MYO1E: variants seen among roughly 807,000 people sequenced by gnomAD.
MYO1E encodes unconventional myosin-Ie.
Under a neutral mutation model 151.1 loss-of-function variants are expected in MYO1E, and 68 were observed. The ratio of observed to expected loss-of-function variants is 0.45; its 90% CI spans 0.37 to 0.55. The LOEUF (loss-of-function observed/expected upper bound fraction) is 0.55, where lower values mean the gene tolerates loss of function less well. MYO1E is among the 20% of genes least tolerant of loss of function. MYO1E has a pLI of 0.00. For missense variants in MYO1E, 1,363 were observed against 1,389.3 expected, an observed-to-expected ratio of 0.98 and a Z score of 0.30; for synonymous variants, 601 against 501.7, an observed-to-expected ratio of 1.20 and a Z score of -2.64.
At chr15:59,210,216 G>A (rs879484764) in intron 13 of MYO1E, among the ~76,000 whole-genome samples, 2 of 151,824 alleles carry the variant, frequency 1.3e-5, no homozygotes, top group African/African-American at 2.4e-5. Flanking sequence ...TAGAACACAG[G>A]GCCAATTTTA....
chr15:59,191,370 A>AGAGAGAGAGAGAGAGAGAGAGAGAGAGAG (rs1491073271), intron 17 of MYO1E, among the ~76,000 whole-genome samples: 2 of 123,336 alleles, frequency 1.6e-5, no homozygotes, highest in African/African-American at 4.1e-5. Flanking sequence ...GAGAGAGAGA[A>AGAGAGAGAGAGAGAGAGAGAGAGAGAGAG]AGAAATGTCA....
intron 24 of MYO1E, 105 bp from the exon 25 acceptor site, chr15:59,158,484 C>G (rs1202289570): frequency 2.4e-6 from 2 of 845,502 alleles, no homozygotes; most frequent in Non-Finnish European, 3.9e-6. Context: ...GATTCCAGCT[C>G]TCAGGTGGAT....
chr15:59,356,665 C>T (rs1596441606), intron 1 of MYO1E, among the ~76,000 whole-genome samples: 1 of 152,174 alleles, frequency 6.6e-6, no homozygotes. Flanking sequence ...GCACCCTCTG[C>T]CTCCCGGGCT....
intron 26 of MYO1E, among the ~76,000 whole-genome samples, chr15:59,140,577 C>A (rs2079403127): frequency 6.6e-6 from 1 of 152,158 alleles, no homozygotes; most frequent in Non-Finnish European, 1.5e-5. Context: ...CCTACAGGAG[C>A]AAGGAGGAAA....
At chr15:59,236,392 ACAC>A (rs1381207210) in intron 5 of MYO1E, among the ~76,000 whole-genome samples, 190 bp downstream of exon 5, 9 of 137,594 alleles carry the variant, frequency 6.5e-5, no homozygotes, top group Non-Finnish European at 1.5e-4. Context: ...ACACACACAC[ACAC>A]ACACACACAC....
chr15:59,329,026 C>T (rs1376342439), intron 1 of MYO1E, among the ~76,000 whole-genome samples: 1 of 152,188 alleles, frequency 6.6e-6, no homozygotes, highest in African/African-American at 2.4e-5. Context: ...ACGAAGATGA[C>T]TGTTATCAAC....
intron 1 of MYO1E, among the ~76,000 whole-genome samples, chr15:59,284,118 T>C (rs2080373190): frequency 6.6e-6 from 1 of 152,244 alleles, no homozygotes; most frequent in Admixed American, 6.5e-5. Flanking sequence ...CCCCCTGCCA[T>C]GTCCCCACCA....
chr15:59,353,661 G>A (rs2080837509), intron 1 of MYO1E, among the ~76,000 whole-genome samples: 1 of 151,566 alleles, frequency 6.6e-6, no homozygotes, highest in Admixed American at 6.6e-5. Context: ...GAAGGCTGAG[G>A]CAGAAGAATC....
chr15:59,274,583 A>G (rs2080307284), intron 1 of MYO1E, among the ~76,000 whole-genome samples: 1 of 152,202 alleles, frequency 6.6e-6, no homozygotes, highest in South Asian at 2.1e-4. Flanking sequence ...GTTGAATAAA[A>G]CACAAGGGCT....
intron 26 of MYO1E, among the ~76,000 whole-genome samples, chr15:59,139,592 C>A (rs2140298867): frequency 6.6e-6 from 1 of 151,282 alleles, no homozygotes; most frequent in Non-Finnish European, 1.5e-5. Flanking sequence ...AACTTCCCTC[C>A]CATCCCTCAT....
chr15:59,219,502 C>T (rs751454113), intron 9 of MYO1E, among the ~76,000 whole-genome samples: 5 of 152,270 alleles, frequency 3.3e-5, no homozygotes, highest in Admixed American at 1.3e-4. Flanking sequence ...TAGAATATAA[C>T]GGGCTGACAT....
At chr15:59,145,589 A>G (rs1382153026) in intron 26 of MYO1E, among the ~76,000 whole-genome samples, 1 of 151,300 alleles carries the variant, frequency 6.6e-6, no homozygotes, top group East Asian at 2.0e-4. Context: ...ATGGGGTTTC[A>G]CCCTGTTGCC....
At chr15:59,151,715 C>T (rs2079480597) in intron 26 of MYO1E, among the ~76,000 whole-genome samples, 1 of 152,032 alleles carries the variant, frequency 6.6e-6, no homozygotes, top group South Asian at 2.1e-4. Flanking sequence ...GAGTTTGAGA[C>T]CAGCCTGGCC....
At chr15:59,240,226 C>T (rs2080091517) in intron 4 of MYO1E, among the ~76,000 whole-genome samples, 1 of 152,242 alleles carries the variant, frequency 6.6e-6, no homozygotes, top group African/African-American at 2.4e-5. Context: ...GGATCCCAGT[C>T]TCCAGGGACA....
At position 59,194,460 on chromosome 15, in the gene MYO1E, G is replaced by A. The variant is rs80091274; in HGVS notation, c.1805+1001C>T. The stretch of plus-strand genomic sequence containing the variant: ...GATCTTACTGGCAGGAAGGAAAATG[G>A]ACACACCTGTCCCTCGCAGGAGATA... On this transcript the variant is annotated intron_variant, in intron 17 of 27. Coordinates refer to ENST00000288235, the MANE Select transcript of MYO1E (RefSeq NM_004998.4). 8.6e-3 allele frequency among the ~76,000 whole-genome samples: 1,308 copies of A among 152,300 alleles called. 18 individuals are homozygous for A. The highest frequency in any genetic ancestry group is 0.029 in the African/African-American group (1,214 of 41,562).
Position 59,372,690 on chromosome 15 carries a change from G to C in MYO1E, c.-190C>G, listed in dbSNP as rs1479287129. 3 of 671,166 alleles carry C rather than the reference G, an allele frequency of 4.5e-6. No homozygotes were observed. Among genetic ancestry groups the C allele is most frequent in the African/African-American group, 1.9e-5 (1 of 52,814 alleles). 41.6% of individuals were successfully genotyped at this position (671,166 alleles called of 1,614,324 possible). A position where few individuals can be genotyped will look rare whatever the true frequency, so the allele number is the denominator to read the frequency against. ...ATCCAGGCGGGATTGGCGGTGCTAG[G>C]TGAGGGCGAGACGGCGGCGACTTAG... is the stretch of plus-strand genomic sequence containing the variant. On this transcript the variant is annotated 5_prime_UTR_variant, in exon 1 of 28. Transcript: ENST00000288235.
At chr15:59,277,507 T>G (rs1414605660) in intron 1 of MYO1E, among the ~76,000 whole-genome samples, 1 of 144,774 alleles carries the variant, frequency 6.9e-6, no homozygotes, top group East Asian at 2.0e-4. Context: ...ATCGGGCCAC[T>G]GCACTCCAGC....
At chr15:59,249,856 C>T (rs1044813374) in intron 4 of MYO1E, among the ~76,000 whole-genome samples, 1 of 152,198 alleles carries the variant, frequency 6.6e-6, no homozygotes, top group Non-Finnish European at 1.5e-5. Context: ...CCTGCCCCAT[C>T]CAGTGTCAGG....
At position 59,227,298 on chromosome 15, in the gene MYO1E, T is replaced by G. The variant is rs543823649; in HGVS notation, c.642+161A>C. 2.6e-5 allele frequency among the ~76,000 whole-genome samples: 4 copies of G among 152,342 alleles called. No homozygotes were observed. In the East Asian group the frequency reaches 7.7e-4, roughly 29 times the overall value. ...CACTCCAATTAGAACTCACTCTCCT[T>G]GAGGGCAGGACATTCTCACAATTCT... On this transcript the variant is annotated intron_variant, in intron 7 of 27. Transcript: ENST00000288235.
Sources: gnomAD v4.1 joint callset for allele counts (sites outside exome capture counted in the v4.1 genomes callset) on GRCh38, gnomAD v4.1.1 for gene constraint, MANE v1.5 for transcripts, NCBI Gene and HGNC (gene_info 2026-07-23, HGNC 2026-07-21) for gene names.